Variants in GALNT17 observed in about 807,000 individuals in gnomAD.
GALNT17 encodes the protein polypeptide N-acetylgalactosaminyltransferase 17, also known as UDP-GalNAc:polypeptide N-acetylgalactosaminyltransferase-like 3.
In GALNT17, 29 loss-of-function variants were observed where a neutral mutation model predicts 63.7. That is an observed-to-expected ratio of 0.46 (90% confidence interval 0.34 to 0.62). The LOEUF (loss-of-function observed/expected upper bound fraction) is 0.62. Ranked by LOEUF, GALNT17 falls within the 20% of genes least tolerant of loss-of-function variation. The pLI is 0.01. For missense variants in GALNT17, 603 were observed against 799.6 expected (o/e 0.75, Z 2.97); for synonymous variants, 305 against 318.3 (o/e 0.96, Z 0.45).
At chr7:71,701,947 A>G (rs1791657484) in intron 9 of GALNT17, among the ~76,000 whole-genome samples, 1 of 146,804 alleles carries the variant, frequency 6.8e-6, no homozygotes, top group Non-Finnish European at 1.5e-5. Flanking sequence ...GTCATGGAAC[A>G]CTATGCAACC....
chr7:71,179,481 C>A (rs1159671059), intron 1 of GALNT17, among the ~76,000 whole-genome samples: 1 of 152,242 alleles, frequency 6.6e-6, no homozygotes, highest in Non-Finnish European at 1.5e-5. Flanking sequence ...AATAAACTTT[C>A]TAAATAAACT....
intron 5 of GALNT17, among the ~76,000 whole-genome samples, chr7:71,459,875 C>T (rs945561642): frequency 6.6e-6 from 1 of 152,182 alleles, no homozygotes; most frequent in African/African-American, 2.4e-5. Context: ...CCTTGGTCTC[C>T]ACAATGTTTT....
intron 6 of GALNT17, among the ~76,000 whole-genome samples, chr7:71,614,627 A>G (rs1031421497): frequency 6.6e-6 from 1 of 151,786 alleles, no homozygotes; most frequent in Non-Finnish European, 1.5e-5. Context: ...TCAAAAAAAG[A>G]AAGGAAGGGA....
intron 6 of GALNT17, among the ~76,000 whole-genome samples, chr7:71,599,662 A>G (rs1169272813): frequency 6.6e-6 from 1 of 151,766 alleles, no homozygotes; most frequent in South Asian, 2.1e-4. Context: ...CTAGACATTG[A>G]TATCTGGTGG....
chr7:71,517,175 G>T (rs1217685046), intron 5 of GALNT17, among the ~76,000 whole-genome samples: 2 of 152,152 alleles, frequency 1.3e-5, no homozygotes, highest in African/African-American at 4.8e-5. Context: ...GACATTCAAG[G>T]TCAGGGCACC....
intron 5 of GALNT17, among the ~76,000 whole-genome samples, chr7:71,431,654 C>A (rs1786869292): frequency 6.6e-6 from 1 of 152,134 alleles, no homozygotes; most frequent in Non-Finnish European, 1.5e-5. Context: ...ACCTGCTGTT[C>A]TGTCTTTCCT....
At chr7:71,237,957 A>C (rs185967314) in intron 1 of GALNT17, among the ~76,000 whole-genome samples, 2 of 152,350 alleles carry the variant, frequency 1.3e-5, no homozygotes, top group East Asian at 3.9e-4. Flanking sequence ...CACTTGAGAA[A>C]TAAACACGGG....
At chr7:71,239,211 A>G (rs1441135752) in intron 1 of GALNT17, among the ~76,000 whole-genome samples, 1 of 152,094 alleles carries the variant, frequency 6.6e-6, no homozygotes, top group Non-Finnish European at 1.5e-5. Context: ...TATAATTCCA[A>G]TGCTTTGGGA....
intron 1 of GALNT17, among the ~76,000 whole-genome samples, chr7:71,311,172 G>A (rs1308181780): frequency 6.6e-6 from 1 of 152,166 alleles, no homozygotes; most frequent in Admixed American, 6.5e-5. Flanking sequence ...CTTGCTATTT[G>A]ACCAGTTAAC....
chr7:71,154,311 G>A (rs1192688289), intron 1 of GALNT17, among the ~76,000 whole-genome samples: 1 of 152,206 alleles, frequency 6.6e-6, no homozygotes, highest in East Asian at 1.9e-4. Flanking sequence ...ACACATGAGT[G>A]AGCAAGCCTC....
intron 1 of GALNT17, among the ~76,000 whole-genome samples, chr7:71,333,681 A>G (rs773100998): frequency 6.6e-6 from 1 of 152,096 alleles, no homozygotes; most frequent in Non-Finnish European, 1.5e-5. Flanking sequence ...TTGTATTTTT[A>G]GTAGAGACTG....
Position 71,641,983 on chromosome 7 carries a change from G to A in GALNT17, c.1081-23428G>A, listed in dbSNP as rs1207563586. Among the ~76,000 whole-genome samples, 4 of 152,070 alleles carry A rather than the reference G, an allele frequency of 2.6e-5. No homozygotes were observed. The East Asian group carries it at 5.8e-4, about 22-fold the overall frequency. On this transcript the variant is annotated intron_variant, in intron 6 of 10. Transcript: ENST00000333538. The stretch of plus-strand genomic sequence containing the variant: ...CTTCCAAAGCTTGGTAGAGAATTTC[G>A]GCTGGAGGTTACAATGCAGCTGAGA...
intron 3 of GALNT17, among the ~76,000 whole-genome samples, chr7:71,399,280 A>G (rs1793196191): frequency 6.6e-6 from 1 of 152,126 alleles, no homozygotes; most frequent in Non-Finnish European, 1.5e-5. Context: ...TTTACCGATC[A>G]GTTTCTTTTC....
intron 1 of GALNT17, among the ~76,000 whole-genome samples, chr7:71,241,450 A>G (rs1440353487): frequency 6.6e-6 from 1 of 152,196 alleles, no homozygotes; most frequent in Non-Finnish European, 1.5e-5. Flanking sequence ...CCTGGAGGTG[A>G]GTAGATCCTT....
chr7:71,667,561 A>G (rs1791003621), intron 7 of GALNT17, among the ~76,000 whole-genome samples: 1 of 152,216 alleles, frequency 6.6e-6, no homozygotes, highest in Admixed American at 6.5e-5. Flanking sequence ...AGATAAAATA[A>G]GGCTGAGAAC....
Position 71,335,625 on chromosome 7 carries a change from C to A in GALNT17, c.314C>A (p.Pro105Gln). The change falls in exon 2 of 11, where the codon CCG becomes CAG. Residue 105 changes from proline to glutamine, a missense_variant. Around this residue, in one of 3 missense-constraint regions of GALNT17, gnomAD observed 195 missense variants for 215.0 expected, o/e 0.91. Coordinates refer to ENST00000333538, the MANE Select transcript of GALNT17 (RefSeq NM_022479.3). ...GGGGGCCTTCCGGCTACTCTTTCCCCGGCTGAAGAAGAAAAGGCTAAGGGA... is the reference window on the plus strand; with the variant it reads ...GGGGGCCTTCCGGCTACTCTTTCCCAGGCTGAAGAAGAAAAGGCTAAGGGA... Reference protein sequence around the residue: ...GKGGLPATLSPAEEEKAKGPH... With the variant: ...GKGGLPATLSQAEEEKAKGPH... 2 of 1,612,364 alleles carry A rather than the reference C, an allele frequency of 1.2e-6. No homozygotes were observed. The highest frequency in any genetic ancestry group is 1.7e-6 in the Non-Finnish European group (2 of 1,179,154).
At chr7:71,356,328 G>A (rs1182149809) in intron 2 of GALNT17, among the ~76,000 whole-genome samples, 3 of 152,146 alleles carry the variant, frequency 2.0e-5, no homozygotes, top group Admixed American at 2.0e-4. Context: ...GTCTGTTAGT[G>A]TCACAAGTAC....
chr7:71,634,552 G>C (rs756589668), intron 6 of GALNT17, among the ~76,000 whole-genome samples: 1 of 151,852 alleles, frequency 6.6e-6, no homozygotes, highest in Non-Finnish European at 1.5e-5. Flanking sequence ...TCAGGACCTC[G>C]AGACCAGCCT....
intron 6 of GALNT17, among the ~76,000 whole-genome samples, chr7:71,659,584 G>A (rs939574142): frequency 2.6e-5 from 4 of 152,190 alleles, no homozygotes; most frequent in Admixed American, 2.0e-4. Context: ...AGTGCAAGCC[G>A]CAAAGTCTCT....
Sources: gnomAD v4.1 joint callset for allele counts (sites outside exome capture counted in the v4.1 genomes callset) on GRCh38, gnomAD v4.1.1 for gene constraint, gnomAD v4.1.1 regional missense constraint, MANE v1.5 for transcripts, NCBI Gene and HGNC (gene_info 2026-07-23, HGNC 2026-07-21) for gene names.